The following CEP70 variants were observed in gnomAD, a reference collection of about 807,000 sequenced individuals.
CEP70 encodes the protein centrosomal protein of 70 kDa.
CEP70 carries 70 observed loss-of-function variants against 90.9 expected under a neutral mutation model. That is an observed-to-expected ratio of 0.77 (90% CI 0.64 to 0.94). The LOEUF (loss-of-function observed/expected upper bound fraction) is 0.94, where lower values mean the gene tolerates loss of function less well. CEP70 is among the 40% of genes least tolerant of loss of function. The probability of loss-of-function intolerance (pLI) is 0.00; values close to 1 mark genes in which losing one functional copy is unlikely to be tolerated. For synonymous variants in CEP70, 220 were observed against 228.3 expected (o/e 0.96, Z 0.33); for missense variants, 648 against 669.0 (o/e 0.97, Z 0.35).
At chr3:138,539,318 T>C (rs1421708807) in intron 6 of CEP70, among the ~76,000 whole-genome samples, 2 of 152,168 alleles carry the variant, frequency 1.3e-5, no homozygotes, top group African/African-American at 4.8e-5. Context: ...CCAGCCCTTT[T>C]TATCATTGTT....
chr3:138,579,588 AAAC>A (rs1416193095), intron 2 of CEP70, among the ~76,000 whole-genome samples: 1 of 151,826 alleles, frequency 6.6e-6, no homozygotes, highest in Non-Finnish European at 1.5e-5. Flanking sequence ...CCTAGCTCCC[AAAC>A]AACATTTCTA....
chr3:138,540,995 A>G (rs892231024), intron 6 of CEP70, among the ~76,000 whole-genome samples: 2 of 152,234 alleles, frequency 1.3e-5, no homozygotes, highest in African/African-American at 4.8e-5. Context: ...TGCAGAACAG[A>G]AAACCAAATA....
chr3:138,530,615 T>C (rs1045173585), intron 8 of CEP70: 8 of 985,274 alleles, frequency 8.1e-6, no homozygotes, highest in African/African-American at 1.7e-5. Flanking sequence ...TCTTCTTCCT[T>C]TGGTCTTGCT....
chr3:138,555,294 C>T (rs897096916), intron 6 of CEP70, among the ~76,000 whole-genome samples: 2 of 147,746 alleles, frequency 1.4e-5, no homozygotes, highest in African/African-American at 5.0e-5. Flanking sequence ...ACTTAAATGA[C>T]TTAAATCTAA....
intron 6 of CEP70, among the ~76,000 whole-genome samples, chr3:138,558,610 G>C (rs541779693): frequency 4.6e-5 from 7 of 152,106 alleles, no homozygotes; most frequent in African/African-American, 1.7e-4. Context: ...AAATACACTA[G>C]TTTTCTTTGG....
Position 138,500,202 on chromosome 3 carries a change from CACACACAATG to C in CEP70, c.1550_1559del (p.Ser517CysfsTer2). The C allele has an allele frequency of 6.2e-7, 1 of 1,612,494 alleles. No homozygotes were observed. On this transcript the variant is annotated frameshift_variant, in exon 16 of 18. Coordinates refer to ENST00000264982, the MANE Select transcript of CEP70 (RefSeq NM_024491.4). LOFTEE classifies it high-confidence loss of function. ...AGAGTTTTCCAACAGTGCTTACTAG[CACACACAATG>C]AGGATGAACTATCTGCAAAAGAGAA...
chr3:138,572,958 A>G, intron 2 of CEP70, 26 bp from the exon 3 acceptor site: 1 of 1,548,122 alleles, frequency 6.5e-7, no homozygotes, highest in Non-Finnish European at 8.8e-7. Flanking sequence ...AAGAAACAGA[A>G]ATTGGCAATT....
intron 8 of CEP70, among the ~76,000 whole-genome samples, chr3:138,529,882 A>C (rs2037653289): frequency 6.6e-6 from 1 of 152,254 alleles, no homozygotes; most frequent in Non-Finnish European, 1.5e-5. Context: ...ACCTATATGA[A>C]GAAAATGTAG....
At chr3:138,510,250 C>T (rs2035396013) in intron 11 of CEP70, among the ~76,000 whole-genome samples, 1 of 132,232 alleles carries the variant, frequency 7.6e-6, no homozygotes, top group Admixed American at 7.5e-5. Context: ...TCCCTGTCTA[C>T]TAAAAAAAAA....
chr3:138,583,940 A>G (rs1442411624), intron 2 of CEP70, among the ~76,000 whole-genome samples: 1 of 152,146 alleles, frequency 6.6e-6, no homozygotes, highest in Non-Finnish European at 1.5e-5. Flanking sequence ...AGATTACAGC[A>G]GAAATAATGA....
At chr3:138,570,242 C>T in intron 6 of CEP70, 76 bp downstream of exon 6, 1 of 955,414 alleles carries the variant, frequency 1.0e-6, no homozygotes, top group Non-Finnish European at 1.5e-6. Flanking sequence ...AATCAAACAA[C>T]ATGGAAGTCA....
At chr3:138,536,112 G>A (rs1040764046) in intron 7 of CEP70, among the ~76,000 whole-genome samples, 4 of 151,786 alleles carry the variant, frequency 2.6e-5, no homozygotes, top group African/African-American at 9.7e-5. Context: ...AGTCCTACTA[G>A]GTAAACATAT....
chr3:138,540,981 C>G (rs1052152849), intron 6 of CEP70, among the ~76,000 whole-genome samples: 1 of 152,162 alleles, frequency 6.6e-6, no homozygotes. Context: ...CCTTAGCAAA[C>G]TAATGCAGAA....
chr3:138,574,374 C>T (rs577644017), intron 2 of CEP70, among the ~76,000 whole-genome samples: 2 of 152,328 alleles, frequency 1.3e-5, no homozygotes, highest in East Asian at 3.9e-4. Flanking sequence ...TGCAAGGTGG[C>T]AGCCTGGCTG....
At chr3:138,538,268 T>C (rs1276875183) in intron 6 of CEP70, among the ~76,000 whole-genome samples, 1 of 152,122 alleles carries the variant, frequency 6.6e-6, no homozygotes, top group Admixed American at 6.5e-5. Flanking sequence ...CCAAAGAAGA[T>C]GCTAAATCAG....
At chr3:138,555,142 G>A (rs752484589) in intron 6 of CEP70, among the ~76,000 whole-genome samples, 6 of 151,738 alleles carry the variant, frequency 4.0e-5, no homozygotes, top group East Asian at 1.9e-4. Flanking sequence ...CCACCTACTC[G>A]GAAGGCTGAG....
At chr3:138,557,901 T>G (rs927143246) in intron 6 of CEP70, among the ~76,000 whole-genome samples, 6 of 152,180 alleles carry the variant, frequency 3.9e-5, no homozygotes, top group African/African-American at 1.4e-4. Flanking sequence ...AAAACTATGC[T>G]TCTATGCTTA....
intron 2 of CEP70, among the ~76,000 whole-genome samples, chr3:138,574,739 T>C (rs2041399290): frequency 6.6e-6 from 1 of 152,114 alleles, no homozygotes; most frequent in South Asian, 2.1e-4. Context: ...GAGATGAAGA[T>C]TTCAGAGGAA....
chr3:138,527,238 T>G (rs1324401665), intron 10 of CEP70, among the ~76,000 whole-genome samples: 1 of 147,992 alleles, frequency 6.8e-6, no homozygotes, highest in Non-Finnish European at 1.5e-5. Flanking sequence ...TGATCACAGC[T>G]CACTGCAGCC....
Sources: gnomAD v4.1 joint callset for allele counts (sites outside exome capture counted in the v4.1 genomes callset) on GRCh38, gnomAD v4.1.1 for gene constraint, MANE v1.5 for transcripts, NCBI Gene and HGNC (gene_info 2026-07-23, HGNC 2026-07-21) for gene names.